FREM3: variants seen among roughly 807,000 people sequenced by gnomAD.
The protein encoded by FREM3 is FRAS1-related extracellular matrix protein 3.
FREM3 carries 105 observed loss-of-function variants against 129.1 expected under a neutral mutation model. The ratio of observed to expected loss-of-function variants is 0.81; its 90% confidence interval spans 0.69 to 0.96. FREM3 has a LOEUF of 0.96. Ranked by LOEUF, FREM3 falls within the 40% of genes least tolerant of loss-of-function variation. The probability of loss-of-function intolerance (pLI) is 0.00; values close to 1 mark genes in which losing one functional copy is unlikely to be tolerated. For missense variants in FREM3, 2,593 were observed against 2,666.3 expected (o/e 0.97, Z 0.61); for synonymous variants, 1,014 against 1,044.9 (o/e 0.97, Z 0.57).
rs927040872 is a variant in FREM3 at position 143,621,025 on chromosome 4, A to G, written c.5779+12T>C. The G allele has an allele frequency of 6.5e-7, 1 of 1,537,012 alleles. No individual in the cohort carries two copies. Among genetic ancestry groups the G allele is most frequent in the African/African-American group, 1.4e-5 (1 of 73,024 alleles). Reference sequence around the variant, plus strand: ...CTTATTCCTATGAACAGGACCCCACAGAGCCTCATACCTTGACGTGTGGAG... The same window carrying G: ...CTTATTCCTATGAACAGGACCCCACGGAGCCTCATACCTTGACGTGTGGAG... On this transcript the variant is annotated intron_variant, in intron 5 of 7. Transcript: ENST00000329798.
At chr4:143,666,652 C>T (rs187614604) in intron 2 of FREM3, among the ~76,000 whole-genome samples, 1 of 152,118 alleles carries the variant, frequency 6.6e-6, no homozygotes, top group Admixed American at 6.6e-5. Flanking sequence ...TGTATGATTC[C>T]ACTTATGTGA....
At chr4:143,611,837 A>G (rs1738762482) in intron 5 of FREM3, among the ~76,000 whole-genome samples, 1 of 152,170 alleles carries the variant, frequency 6.6e-6, no homozygotes, top group African/African-American at 2.4e-5. Context: ...CATATTACAG[A>G]TGAGAAAACT....
At chr4:143,674,870 A>C (rs1740078693) in intron 2 of FREM3, among the ~76,000 whole-genome samples, 1 of 152,250 alleles carries the variant, frequency 6.6e-6, no homozygotes, top group Non-Finnish European at 1.5e-5. Flanking sequence ...CACCCAATAC[A>C]GGAGCACCCA....
At chr4:143,661,192 C>A (rs887027309) in intron 2 of FREM3, among the ~76,000 whole-genome samples, 28 of 152,082 alleles carry the variant, frequency 1.8e-4, no homozygotes, top group Non-Finnish European at 3.4e-4. Context: ...CTAGTTTTTG[C>A]CCATTCAGTA....
chr4:143,628,623 A>G (rs1739087274), intron 2 of FREM3, among the ~76,000 whole-genome samples: 1 of 152,174 alleles, frequency 6.6e-6, no homozygotes, highest in Non-Finnish European at 1.5e-5. Context: ...GGACCCCTTA[A>G]TGAGATCAAG....
chr4:143,585,891 G>C lies in FREM3; in HGVS notation c.6131C>G (p.Ser2044Ter), dbSNP rs1469420978. Residue 2044 changes from serine to a stop codon, truncating the protein, a stop_gained, in exon 7 of 8, where the codon TCA becomes TGA. Coordinates refer to ENST00000329798, the MANE Select transcript of FREM3 (RefSeq NM_001168235.2). LOFTEE classifies it low-confidence loss of function (END_TRUNC). This position sits in a 1 kb window ranked among gnomAD's most constrained non-coding sequence, Gnocchi z 4.2. Reference protein sequence around the residue: ...WRRGTDLSQPSSIAVRSRKSE... With the variant: ...WRRGTDLSQP The stretch of plus-strand genomic sequence containing the variant: ...CTTTCTGGAGCGCACGGCGATGGAT[G>C]ATGGTTGGGAAAGATCAGTGCCTCT... 1 of 1,537,264 alleles carries C rather than the reference G, an allele frequency of 6.5e-7. No individual in the cohort carries two copies. The highest frequency in any genetic ancestry group is 1.4e-5 in the African/African-American group (1 of 73,048).
chr4:143,655,491 C>T (rs1739584548), intron 2 of FREM3, among the ~76,000 whole-genome samples: 1 of 152,008 alleles, frequency 6.6e-6, no homozygotes, highest in African/African-American at 2.4e-5. Context: ...TAGAGAGTAC[C>T]CTCTCATGAA....
intron 6 of FREM3, among the ~76,000 whole-genome samples, chr4:143,587,147 C>A (rs1291624761): frequency 6.6e-6 from 1 of 152,192 alleles, no homozygotes; most frequent in Non-Finnish European, 1.5e-5. Context: ...GCTCCCAATA[C>A]ACTGAACACA....
chr4:143,624,444 G>A, intron 3 of FREM3, 106 bp from the exon 4 acceptor site: 1 of 687,074 alleles, frequency 1.5e-6, no homozygotes, highest in Non-Finnish European at 2.4e-6. Flanking sequence ...CATAGAAATT[G>A]TTTCTTTTAA....
intron 4 of FREM3, among the ~76,000 whole-genome samples, chr4:143,623,499 C>G (rs1034888422): frequency 3.0e-5 from 4 of 133,296 alleles, no homozygotes; most frequent in Non-Finnish European, 5.1e-5. Context: ...CTAATCCCCC[C>G]CCCCCCCCAC....
intron 2 of FREM3, among the ~76,000 whole-genome samples, chr4:143,675,488 A>G (rs1740098128): frequency 6.6e-6 from 1 of 152,202 alleles, no homozygotes; most frequent in African/African-American, 2.4e-5. Context: ...GAACTAGGGA[A>G]GCAAGAGCAA....
At chr4:143,675,340 A>G (rs537607465) in intron 2 of FREM3, among the ~76,000 whole-genome samples, 24 of 152,248 alleles carry the variant, frequency 1.6e-4, no homozygotes, top group African/African-American at 5.1e-4. Flanking sequence ...CTTTGAAACC[A>G]ACGAGAACAA....
In FREM3 at chr4:143,697,764, A is replaced by G. The variant is rs1220602653; in HGVS notation, c.2912T>C (p.Val971Ala). The change falls in exon 1 of 8, where the codon GTC becomes GCC. Residue 971 changes from valine (V) to alanine (A), a missense_variant. Physicochemically the swap from Val to Ala is moderately conservative, Grantham distance 64. Transcript: ENST00000329798. ...ENKATEITMG[V>A]IHGKRKDVGD... ...TACATCCTTCCTTTTGCCATGGATGACACCCATGGTAATTTCAGTGGCTTT... is the reference window on the plus strand; with the variant it reads ...TACATCCTTCCTTTTGCCATGGATGGCACCCATGGTAATTTCAGTGGCTTT... 6 of 1,537,382 alleles carry G rather than the reference A, an allele frequency of 3.9e-6. No individual in the cohort carries two copies. The highest frequency in any genetic ancestry group is 5.2e-6 in the Non-Finnish European group (6 of 1,146,900).
intron 6 of FREM3, among the ~76,000 whole-genome samples, chr4:143,608,668 A>G (rs539854225): frequency 1.3e-5 from 2 of 152,314 alleles, no homozygotes; most frequent in African/African-American, 4.8e-5. Flanking sequence ...TATATAATGC[A>G]CTTGCTTATC....
chr4:143,623,080 G>T (rs1317632013), intron 4 of FREM3, among the ~76,000 whole-genome samples: 1 of 152,132 alleles, frequency 6.6e-6, no homozygotes, highest in South Asian at 2.1e-4. Context: ...TATGTTTTAA[G>T]AAAACTGGAA....
chr4:143,577,530 T>G lies in FREM3; in HGVS notation c.*81A>C. On this transcript the variant is annotated 3_prime_UTR_variant, in exon 8 of 8. Transcript: ENST00000329798. ...GTACAATATCACTGATATCCCAGAATTGCTAAGATCTATAAACAGTAGAGT... is the reference window on the plus strand; with the variant it reads ...GTACAATATCACTGATATCCCAGAAGTGCTAAGATCTATAAACAGTAGAGT... 1 of 1,314,750 alleles carries G rather than the reference T, an allele frequency of 7.6e-7. No individual in the cohort carries two copies. The highest frequency in any genetic ancestry group is 1.5e-5 in the South Asian group (1 of 67,158). The allele number at this position is 1,314,750 out of a possible 1,614,324, so 81.4% of individuals were successfully genotyped here.
chr4:143,662,774 G>C (rs1023602198), intron 2 of FREM3, among the ~76,000 whole-genome samples: 57 of 151,894 alleles, frequency 3.8e-4, no homozygotes, highest in African/African-American at 1.3e-3. Flanking sequence ...CTCCTGTATT[G>C]GGTGTATATA....
chr4:143,698,514 GTGAGT>G lies in FREM3; in HGVS notation c.2157_2161del (p.Gln719HisfsTer12), dbSNP rs1382196931. On this transcript the variant is annotated frameshift_variant, in exon 1 of 8. Coordinates refer to ENST00000329798, the MANE Select transcript of FREM3 (RefSeq NM_001168235.2). LOFTEE classifies it high-confidence loss of function. The stretch of plus-strand genomic sequence containing the variant: ...TCGGAGGAAATTCTTCTGGAAGTGA[GTGAGT>G]TGGTATTCTTGTACAGTCATTTCTA... 1.8e-5 allele frequency: 28 copies of G among 1,537,682 alleles called. No individual in the cohort carries two copies. The highest frequency in any genetic ancestry group is 2.3e-5 in the Non-Finnish European group (26 of 1,147,018).
chr4:143,695,894 G>T lies in FREM3; in HGVS notation c.4782C>A (p.Thr1594=). Reference sequence around the variant, plus strand: ...TGTTCAGGTCTTGCTTGGTGAAAGTGGTCACGGGACGGCTACCATTGTACA... The same window carrying T: ...TGTTCAGGTCTTGCTTGGTGAAAGTTGTCACGGGACGGCTACCATTGTACA... The part of the protein sequence containing the change: ...KILYNGSRPV[T]TFTKQDLNKN... Residue 1594 remains threonine (T), a synonymous_variant, in exon 1 of 8, where the codon ACC becomes ACA. Transcript: ENST00000329798. The T allele has an allele frequency of 6.5e-7, 1 of 1,537,640 alleles. No individual in the cohort carries two copies. Among genetic ancestry groups the T allele is most frequent in the Non-Finnish European group, 8.7e-7 (1 of 1,146,998 alleles).
Sources: gnomAD v4.1 joint callset for allele counts (sites outside exome capture counted in the v4.1 genomes callset) on GRCh38, gnomAD v4.1.1 for gene constraint, Gnocchi (gnomAD v3.1) non-coding constraint, MANE v1.5 for transcripts, NCBI Gene and HGNC (gene_info 2026-07-23, HGNC 2026-07-21) for gene names.